The following STK32B variants were observed in gnomAD, a reference collection of about 807,000 sequenced individuals.
STK32B encodes the protein serine/threonine kinase 32B.
STK32B carries 43 observed loss-of-function variants against 52.6 expected under a neutral mutation model. That is an observed-to-expected ratio of 0.82 (90% confidence interval 0.64 to 1.05). The LOEUF is 1.05. Among genes scored for constraint, STK32B ranks in the 50% least tolerant of loss-of-function variants. STK32B has a pLI of 0.00. For missense variants in STK32B, 621 were observed against 534.6 expected (o/e 1.16, Z -1.59); for synonymous variants, 238 against 204.3 (o/e 1.17, Z -1.41).
chr4:5,400,566 T>G lies in STK32B; in HGVS notation c.472+2322T>G, dbSNP rs1413607791. On this transcript the variant is annotated intron_variant, in intron 5 of 11. Transcript: ENST00000282908. The surrounding 1 kb of genome is among the most constrained non-coding windows in gnomAD (Gnocchi z 6.1). ...GCGTTGAATATAATATTTCATACTG[T>G]GAGGTGAATGGCTGATAACCCTTCC... Among the ~76,000 whole-genome samples the G allele has an allele frequency of 6.6e-6, 1 of 152,150 alleles. No individual in the cohort carries two copies. Among genetic ancestry groups the G allele is most frequent in the Non-Finnish European group, 1.5e-5 (1 of 68,036 alleles).
Position 5,398,859 on chromosome 4 carries a change from T to C in STK32B, c.472+615T>C, listed in dbSNP as rs1240518444. ...AGAGTCTGCAAAGCTCCCAGGTGGC[T>C]GATGCTGCTGGTCCATGGACCACAC... On this transcript the variant is annotated intron_variant, in intron 5 of 11. Coordinates refer to ENST00000282908, the MANE Select transcript of STK32B (RefSeq NM_018401.3). The surrounding 1 kb of genome is among the most constrained non-coding windows in gnomAD (Gnocchi z 4.9). 6.9e-6 allele frequency among the ~76,000 whole-genome samples: 1 copy of C among 145,226 alleles called. No homozygotes were observed. Among genetic ancestry groups the C allele is most frequent in the African/African-American group, 2.9e-5 (1 of 35,078 alleles).
At chr4:5,323,968 T>C (rs982325085) in intron 3 of STK32B, among the ~76,000 whole-genome samples, 1 of 152,198 alleles carries the variant, frequency 6.6e-6, no homozygotes, top group African/African-American at 2.4e-5. Context: ...TTACTTAATC[T>C]CTCTGAACCT....
chr4:5,224,730 A>G (rs906721907), intron 3 of STK32B, among the ~76,000 whole-genome samples: 38 of 145,608 alleles, frequency 2.6e-4, no homozygotes, highest in Non-Finnish European at 4.4e-5. Flanking sequence ...TCAATTCATC[A>G]TTAATTAATA....
chr4:5,320,772 A>T (rs868731147), intron 3 of STK32B, among the ~76,000 whole-genome samples: 1 of 152,202 alleles, frequency 6.6e-6, no homozygotes, highest in Admixed American at 6.5e-5. Flanking sequence ...AACACTTGAC[A>T]TATTAGCAGA....
intron 8 of STK32B, among the ~76,000 whole-genome samples, chr4:5,459,282 G>GGCCCCC (rs1716831935): frequency 7.5e-6 from 1 of 133,048 alleles, no homozygotes; most frequent in Non-Finnish European, 1.6e-5. Context: ...ACCCTGGTGT[G>GGCCCCC]CCCCCCCCCC....
intron 4 of STK32B, among the ~76,000 whole-genome samples, chr4:5,375,434 T>C (rs1735525751): frequency 6.6e-6 from 1 of 152,188 alleles, no homozygotes; most frequent in Non-Finnish European, 1.5e-5. Context: ...TTTTCTCTTA[T>C]TTTTCCATCT....
intron 4 of STK32B, among the ~76,000 whole-genome samples, chr4:5,379,782 C>T (rs1216308078): frequency 6.6e-6 from 1 of 152,192 alleles, no homozygotes; most frequent in Non-Finnish European, 1.5e-5. Context: ...CCTGCCAACA[C>T]CTTGATCATG....
chr4:5,302,069 C>A (rs1166861065), intron 3 of STK32B, among the ~76,000 whole-genome samples: 1 of 150,986 alleles, frequency 6.6e-6, no homozygotes, highest in Admixed American at 6.6e-5. Context: ...TTACTTTGTT[C>A]TTTCTTTTAC....
rs774889581 is a variant in STK32B at position 5,398,266 on chromosome 4, T to C, written c.472+22T>C. ...CACGGTAAGCCTGCTACTAATCCTT[T>C]ACAGGGACTCTCAGTGGAAAGTTTG... On this transcript the variant is annotated intron_variant, in intron 5 of 11. Coordinates refer to ENST00000282908, the MANE Select transcript of STK32B (RefSeq NM_018401.3). The surrounding 1 kb of genome is among the most constrained non-coding windows in gnomAD (Gnocchi z 4.9). The C allele has an allele frequency of 1.9e-6, 3 of 1,613,738 alleles. No homozygotes were observed. The highest frequency in any genetic ancestry group is 1.1e-5 in the South Asian group (1 of 90,986).
chr4:5,474,257 G>A (rs1718061480), intron 11 of STK32B, among the ~76,000 whole-genome samples: 1 of 152,202 alleles, frequency 6.6e-6, no homozygotes, highest in African/African-American at 2.4e-5. Flanking sequence ...CGCCAATGAG[G>A]CACAAGGGGT....
At chr4:5,332,306 G>T (rs779498613) in intron 4 of STK32B, among the ~76,000 whole-genome samples, 18 of 152,186 alleles carry the variant, frequency 1.2e-4, no homozygotes, top group Non-Finnish European at 5.9e-5. Flanking sequence ...TAGAGTGATC[G>T]ATGACTTAGG....
At chr4:5,419,551 CTG>C (rs1391864461) in intron 6 of STK32B, among the ~76,000 whole-genome samples, 1 of 152,218 alleles carries the variant, frequency 6.6e-6, no homozygotes, top group African/African-American at 2.4e-5. Flanking sequence ...AAGTCGTTGT[CTG>C]TGTTTCCCAG....
chr4:5,398,727 G>A lies in STK32B; in HGVS notation c.472+483G>A, dbSNP rs1217016609. On this transcript the variant is annotated intron_variant, in intron 5 of 11. Transcript: ENST00000282908. The surrounding 1 kb of genome is among the most constrained non-coding windows in gnomAD (Gnocchi z 4.9). ...TCCACTAAGCATTTACTCATCTATC[G>A]GCTATGTCAGGCTTCTCAAAATTTC... 2.6e-5 allele frequency among the ~76,000 whole-genome samples: 4 copies of A among 152,234 alleles called. No individual in the cohort carries two copies. Among genetic ancestry groups the A allele is most frequent in the South Asian group, 2.1e-4 (1 of 4,818 alleles).
chr4:5,260,647 C>T (rs1726651523), intron 3 of STK32B, among the ~76,000 whole-genome samples: 1 of 152,190 alleles, frequency 6.6e-6, no homozygotes, highest in South Asian at 2.1e-4. Flanking sequence ...AAGTGAATGG[C>T]CTATTAGGGA....
intron 3 of STK32B, among the ~76,000 whole-genome samples, chr4:5,325,238 T>C (rs1208206893): frequency 6.6e-6 from 1 of 152,198 alleles, no homozygotes; most frequent in Admixed American, 6.5e-5. Flanking sequence ...GTTCACCACA[T>C]TACAGAACAC....
chr4:5,032,439 T>G, the STK32B span, among the ~76,000 whole-genome samples: 2 of 131,444 alleles, frequency 1.5e-5, no homozygotes, highest in African/African-American at 6.0e-5. Flanking sequence ...ATTGTGCCAT[T>G]GCACTCCAGC....
At chr4:5,328,114 G>C (rs1230991629) in intron 3 of STK32B, among the ~76,000 whole-genome samples, 1 of 152,204 alleles carries the variant, frequency 6.6e-6, no homozygotes, top group Non-Finnish European at 1.5e-5. Context: ...GAACTGAAGA[G>C]AGTTAAGGCC....
At chr4:5,446,097 G>A (rs376095800) in intron 6 of STK32B, among the ~76,000 whole-genome samples, 11 of 152,140 alleles carry the variant, frequency 7.2e-5, no homozygotes, top group East Asian at 5.8e-4. Flanking sequence ...CTTCCCTTTC[G>A]CCAAGTGGAC....
intron 4 of STK32B, among the ~76,000 whole-genome samples, chr4:5,360,538 G>A (rs114814228): frequency 6.6e-6 from 1 of 152,290 alleles, no homozygotes; most frequent in African/African-American, 2.4e-5. Flanking sequence ...TCTGATAATT[G>A]GAGATGTGGG....
Sources: gnomAD v4.1 joint callset for allele counts (sites outside exome capture counted in the v4.1 genomes callset) on GRCh38, gnomAD v4.1.1 for gene constraint, Gnocchi (gnomAD v3.1) non-coding constraint, MANE v1.5 for transcripts, NCBI Gene and HGNC (gene_info 2026-07-23, HGNC 2026-07-21) for gene names.